The following UBR3 variants were observed in gnomAD, a reference collection of about 807,000 sequenced individuals.
The protein encoded by UBR3 is E3 ubiquitin-protein ligase UBR3.
In UBR3, 85 loss-of-function variants were observed where a neutral mutation model predicts 243.2. The observed-to-expected ratio is 0.35, with a 90% CI of 0.29 to 0.42. The LOEUF (loss-of-function observed/expected upper bound fraction) is 0.42, where lower values mean the gene tolerates loss of function less well. UBR3 is among the 10% of genes least tolerant of loss of function. UBR3 has a pLI of 1.00. For missense variants in UBR3, 1,686 were observed against 2,300.8 expected, an observed-to-expected ratio of 0.73 and a Z score of 5.47; for synonymous variants, 748 against 799.8, an observed-to-expected ratio of 0.94 and a Z score of 1.09.
rs751801320 is a variant in UBR3, at chr2:170,073,657, G to A, written c.5199+50G>A. 6 of 1,556,710 alleles carry A rather than the reference G, an allele frequency of 3.9e-6. No homozygotes were observed. The South Asian group carries it at 7.1e-5, about 18-fold the overall frequency. On this transcript the variant is annotated intron_variant, in intron 36 of 38. Coordinates refer to ENST00000272793, the MANE Select transcript of UBR3 (RefSeq NM_172070.4). ...TTGTCACGGTGGTGATATGCTAATA[G>A]GTAAGAGAATAATGAGGACTGTTAA... is the stretch of plus-strand genomic sequence containing the variant.
intron 8 of UBR3, among the ~76,000 whole-genome samples, chr2:169,904,783 C>A (rs569238088): frequency 1.3e-5 from 2 of 152,012 alleles, no homozygotes; most frequent in African/African-American, 4.8e-5. Flanking sequence ...TCATTAGAAT[C>A]AAGAAAATAA....
intron 35 of UBR3, among the ~76,000 whole-genome samples, chr2:170,069,129 A>G (rs1010772721): frequency 3.9e-5 from 6 of 152,200 alleles, no homozygotes; most frequent in African/African-American, 1.4e-4. Flanking sequence ...AACTCAATTT[A>G]TAAGGCCAGT....
At chr2:170,048,734 G>A (rs936333859) in intron 32 of UBR3, among the ~76,000 whole-genome samples, 2 of 152,118 alleles carry the variant, frequency 1.3e-5, no homozygotes, top group Non-Finnish European at 2.9e-5. Flanking sequence ...AAGTGAAAAG[G>A]TGAAAATTCC....
intron 1 of UBR3, among the ~76,000 whole-genome samples, chr2:169,845,948 A>G (rs1174903509): frequency 3.3e-5 from 5 of 152,162 alleles, no homozygotes; most frequent in African/African-American, 1.2e-4. Flanking sequence ...ATTTATTTAA[A>G]ATAGTTAAGG....
At chr2:169,917,245 A>G (rs1225944064) in intron 11 of UBR3, among the ~76,000 whole-genome samples, 1 of 152,154 alleles carries the variant, frequency 6.6e-6, no homozygotes, top group Non-Finnish European at 1.5e-5. Context: ...GCAAATGGTA[A>G]TGAGTCAGTC....
chr2:169,915,955 C>A (rs2085447340), intron 11 of UBR3, among the ~76,000 whole-genome samples: 2 of 152,084 alleles, frequency 1.3e-5, no homozygotes, highest in Admixed American at 1.3e-4. Flanking sequence ...TTTTTGAGAA[C>A]TTCCATGTTT....
At chr2:169,996,233 G>A (rs2089472722) in intron 26 of UBR3, among the ~76,000 whole-genome samples, 1 of 152,184 alleles carries the variant, frequency 6.6e-6, no homozygotes, top group South Asian at 2.1e-4. Context: ...GGACCTACAG[G>A]GAGGTATTGT....
At chr2:170,008,378 T>C (rs2089985510) in intron 28 of UBR3, among the ~76,000 whole-genome samples, 1 of 152,200 alleles carries the variant, frequency 6.6e-6, no homozygotes, top group Non-Finnish European at 1.5e-5. Flanking sequence ...TGTGGTCTTT[T>C]TAAAATTTTA....
intron 23 of UBR3, among the ~76,000 whole-genome samples, chr2:169,956,848 G>A (rs374512258): frequency 2.0e-5 from 3 of 151,992 alleles, no homozygotes; most frequent in Admixed American, 1.3e-4. Flanking sequence ...ATACTTTTAG[G>A]TTTCCCATAA....
chr2:169,893,753 G>A (rs1335671118), intron 6 of UBR3, among the ~76,000 whole-genome samples: 6 of 151,992 alleles, frequency 3.9e-5, no homozygotes, highest in Non-Finnish European at 8.8e-5. Context: ...TTAGAGACAG[G>A]GTTTTGCCAT....
chr2:170,043,281 C>T (rs1461343316), intron 32 of UBR3, among the ~76,000 whole-genome samples: 1 of 151,880 alleles, frequency 6.6e-6, no homozygotes, highest in Admixed American at 6.6e-5. Flanking sequence ...AGTAAAGGAC[C>T]TGTTGTGTCA....
chr2:170,004,399 A>G (rs1384191526), intron 27 of UBR3, among the ~76,000 whole-genome samples: 2 of 152,176 alleles, frequency 1.3e-5, no homozygotes, highest in Admixed American at 6.5e-5. Context: ...TTGGGAGACT[A>G]CTTAGGAGAG....
intron 1 of UBR3, among the ~76,000 whole-genome samples, chr2:169,845,492 T>TTCGTCGTCGTCGTCGTCGTCG (rs746655489): frequency 1.6e-5 from 2 of 123,524 alleles, no homozygotes; most frequent in South Asian, 2.5e-4. Flanking sequence ...CCTTTCCCTC[T>TTCGTCGTCGTCGTCGTCGTCG]TCGTCGTCAT....
chr2:169,844,356 G>T (rs1180883824), intron 1 of UBR3, among the ~76,000 whole-genome samples: 1 of 152,040 alleles, frequency 6.6e-6, no homozygotes, highest in Non-Finnish European at 1.5e-5. Flanking sequence ...TTTTCTTTAT[G>T]TGAGCTTTGA....
At chr2:170,004,767 T>C (rs888656521) in intron 27 of UBR3, among the ~76,000 whole-genome samples, 10 of 151,620 alleles carry the variant, frequency 6.6e-5, no homozygotes, top group African/African-American at 2.4e-4. Context: ...AAAAATTAGC[T>C]GGGTGTGGTG....
At chr2:170,017,021 A>C (rs2090255813) in intron 30 of UBR3, 1 of 187,056 alleles carries the variant, frequency 5.3e-6, no homozygotes, top group African/African-American at 2.4e-5. Context: ...ATATATATAG[A>C]ATATGTTGTA....
intron 31 of UBR3, among the ~76,000 whole-genome samples, chr2:170,030,793 C>G (rs1269891553): frequency 6.6e-6 from 1 of 151,826 alleles, no homozygotes; most frequent in Non-Finnish European, 1.5e-5. Context: ...GCTTTTTTCC[C>G]CCTTGACTTA....
At chr2:169,962,330 C>T (rs1468240287) in intron 24 of UBR3, among the ~76,000 whole-genome samples, 1 of 151,964 alleles carries the variant, frequency 6.6e-6, no homozygotes, top group Non-Finnish European at 1.5e-5. Flanking sequence ...CTGCCTCGGC[C>T]TCCCAAAGTC....
chr2:169,926,960 G>C lies in UBR3; in HGVS notation c.2327G>C (p.Arg776Pro). Residue 776 changes from arginine to proline, a missense_variant, in exon 16 of 39, where the codon CGT becomes CCT. Arg to Pro is a moderately radical substitution (Grantham distance 103). This residue lies in a region of UBR3 where 346 missense variants were observed against 585.8 expected (regional missense o/e 0.59). Coordinates refer to ENST00000272793, the MANE Select transcript of UBR3 (RefSeq NM_172070.4). ...LTFLVILLSL[R>P]LHLGMSDDEI... ...TTTCTTGTGATTCTTTTGAGTCTTC[G>C]TTTACATTTAGGTAAAACTCACTGA... 1 of 1,550,352 alleles carries C rather than the reference G, an allele frequency of 6.5e-7. No homozygotes were observed. The highest frequency in any genetic ancestry group is 8.7e-7 in the Non-Finnish European group (1 of 1,146,272).
Sources: gnomAD v4.1 joint callset for allele counts (sites outside exome capture counted in the v4.1 genomes callset) on GRCh38, gnomAD v4.1.1 for gene constraint, gnomAD v4.1.1 regional missense constraint, MANE v1.5 for transcripts, NCBI Gene and HGNC (gene_info 2026-07-23, HGNC 2026-07-21) for gene names.